The following DMBT1 variants were observed in gnomAD, a reference collection of about 807,000 sequenced individuals.
The protein encoded by DMBT1 is scavenger receptor cysteine-rich domain-containing protein DMBT1.
A neutral mutation model predicts 252.9 loss-of-function variants in DMBT1; 198 were observed. The observed-to-expected ratio is 0.78, with a 90% CI of 0.70 to 0.88. The LOEUF (loss-of-function observed/expected upper bound fraction) is 0.88, where lower values mean the gene tolerates loss of function less well. DMBT1 is among the 40% of genes least tolerant of loss of function. DMBT1 has a pLI of 0.00. For synonymous variants in DMBT1, 990 were observed against 942.7 expected, an observed-to-expected ratio of 1.05 and a Z score of -0.92; for missense variants, 2,432 against 2,404.7, an observed-to-expected ratio of 1.01 and a Z score of -0.24.
intron 9 of DMBT1, 71 bp downstream of exon 9, chr10:122,578,830 A>G: frequency 2.8e-6 from 4 of 1,434,702 alleles, no homozygotes. Context: ...TTCATAGTTC[A>G]CTTATGATTG....
intron 1 of DMBT1, among the ~76,000 whole-genome samples, chr10:122,561,718 C>G (rs1042653285): frequency 2.0e-5 from 3 of 151,398 alleles, no homozygotes; most frequent in African/African-American, 7.3e-5. Flanking sequence ...GCAGATATCA[C>G]CTTTTCTTCC....
chr10:122,576,897 G>C (rs986340840), intron 7 of DMBT1, among the ~76,000 whole-genome samples, 175 bp downstream of exon 7: 1 of 152,220 alleles, frequency 6.6e-6, no homozygotes, highest in Non-Finnish European at 1.5e-5. Context: ...CCATTCTGGG[G>C]ACAGACTGTA....
Position 122,620,310 on chromosome 10 carries a change from C to G in DMBT1, c.5284+19C>G. On this transcript the variant is annotated intron_variant, in intron 43 of 55. Transcript: ENST00000338354. ...ACAGTAGGTAAATAATCCTCTCGCC[C>G]CTCCCTAGGGCTCACTCTCTACCTC... 2 of 1,613,742 alleles carry G rather than the reference C, an allele frequency of 1.2e-6. No individual in the cohort carries two copies. Among genetic ancestry groups the G allele is most frequent in the Non-Finnish European group, 1.7e-6 (2 of 1,179,666 alleles).
chr10:122,617,979 G>C (rs113080062), intron 40 of DMBT1, 38 bp from the exon 41 acceptor site: 8 of 1,597,342 alleles, frequency 5.0e-6, no homozygotes, highest in African/African-American at 4.2e-5. Flanking sequence ...TTGACCTCCT[G>C]GTGGGGATGG....
At position 122,635,443 on chromosome 10, in the gene DMBT1, T is replaced by A. The variant is rs555817295; in HGVS notation, c.6549-548T>A. Among the ~76,000 whole-genome samples the A allele has an allele frequency of 2.0e-4, 31 of 152,320 alleles. 1 individual carries two copies. In the South Asian group the frequency reaches 6.4e-3, roughly 32 times the overall value. On this transcript the variant is annotated intron_variant, in intron 52 of 55. Transcript: ENST00000338354. ...GACAGGTGAGGGGCTGTAGATTTCA[T>A]ATGTGTGATTGCAAAGGGCAGGACT...
chr10:122,570,060 G>T, intron 2 of DMBT1, 102 bp from the exon 3 acceptor site: 1 of 1,081,074 alleles, frequency 9.3e-7, no homozygotes, highest in Non-Finnish European at 1.4e-6. Flanking sequence ...GGTGCCCTTA[G>T]GCCCTGGCTT....
chr10:122,585,194 C>T lies in DMBT1; in HGVS notation c.1421-77C>T. Reference sequence around the variant, plus strand: ...GTGGGGTAGTTTTCATGATGCTCGCCTTCTCCGGAGACTTTTCCTTTTGGA... The same window carrying T: ...GTGGGGTAGTTTTCATGATGCTCGCTTTCTCCGGAGACTTTTCCTTTTGGA... On this transcript the variant is annotated intron_variant, in intron 14 of 55. Transcript: ENST00000338354. 2 of 1,534,756 alleles carry T rather than the reference C, an allele frequency of 1.3e-6. 1 individual carries two copies. The highest frequency in any genetic ancestry group is 4.8e-5 in the East Asian group (2 of 41,724).
chr10:122,564,839 T>A (rs2097576743), intron 1 of DMBT1, among the ~76,000 whole-genome samples: 1 of 152,226 alleles, frequency 6.6e-6, no homozygotes, highest in Non-Finnish European at 1.5e-5. Context: ...GTACAATCAA[T>A]TCTACCATTA....
chr10:122,570,700 G>A (rs556495285), intron 3 of DMBT1, among the ~76,000 whole-genome samples, 190 bp from the exon 4 acceptor site: 1 of 152,284 alleles, frequency 6.6e-6, no homozygotes, highest in East Asian at 1.9e-4. Flanking sequence ...AAGGATGCTT[G>A]TGCGGCATCT....
chr10:122,584,209 T>C, intron 13 of DMBT1, 113 bp from the exon 14 acceptor site: 1 of 250,178 alleles, frequency 4.0e-6, no homozygotes, highest in Non-Finnish European at 6.8e-6. Flanking sequence ...CCTCCCTCTG[T>C]GATGGGGACC....
intron 19 of DMBT1, among the ~76,000 whole-genome samples, chr10:122,591,736 G>C (rs1471433372): frequency 6.7e-6 from 1 of 148,790 alleles, no homozygotes; most frequent in African/African-American, 2.4e-5. Context: ...CGTGTTCCAA[G>C]TATCAGTAAA....
chr10:122,632,718 G>A (rs1378538204), intron 50 of DMBT1, 143 bp from the exon 51 acceptor site: 1 of 1,036,742 alleles, frequency 9.6e-7, no homozygotes, highest in Non-Finnish European at 1.4e-6. Flanking sequence ...CCAAAGGCAA[G>A]TGAGCTCCCC....
chr10:122,636,080 C>T lies in DMBT1; in HGVS notation c.6638C>T (p.Ala2213Val). 2 of 1,613,980 alleles carry T rather than the reference C, an allele frequency of 1.2e-6. No individual in the cohort carries two copies. The highest frequency in any genetic ancestry group is 2.2e-5 in the East Asian group (1 of 44,862). Residue 2213 changes from alanine (A) to valine (V), a missense_variant, in exon 53 of 56, where the codon GCC (alanine) becomes GTC (valine). Ala to Val is a moderately conservative substitution (Grantham distance 64, BLOSUM62 0). Transcript: ENST00000338354. ...CTCATTGCTCGAGTTTGTGATGGGG[C>T]CAGAGGCTCCTTCACTTCTTCCTCC... ...SPLIARVCDGARGSFTSSSNF... is the reference protein window; with the variant it reads ...SPLIARVCDGVRGSFTSSSNF...
At position 122,573,594 on chromosome 10, in the gene DMBT1, A is replaced by T. The variant is rs991720760; in HGVS notation, c.236-121A>T. The stretch of plus-strand genomic sequence containing the variant: ...GATTGGCACATGGTTGGCTTTTAGC[A>T]ATGGATGGTGCCCTTAGGACCTGTG... On this transcript the variant is annotated intron_variant, in intron 5 of 55. Transcript: ENST00000338354. 4 of 1,257,118 alleles carry T rather than the reference A, an allele frequency of 3.2e-6. No homozygotes were observed. In the Admixed American group the frequency reaches 7.0e-5, roughly 22 times the overall value. The allele number at this position is 1,257,118 out of a possible 1,614,324, so 77.9% of individuals were successfully genotyped here. A position where few individuals can be genotyped will look rare whatever the true frequency, so the allele number is the denominator to read the frequency against.
Position 122,565,437 on chromosome 10 carries a change from A to G in DMBT1, c.62-530A>G, listed in dbSNP as rs569512931. On this transcript the variant is annotated intron_variant, in intron 1 of 55. Transcript: ENST00000338354. ...GCTCAAAAAGAAACTCAAAAGCTAC[A>G]GTTGAGTCCGATGGACCTTGTCTGG... Among the ~76,000 whole-genome samples the G allele has an allele frequency of 3.3e-5, 5 of 152,370 alleles. No individual in the cohort carries two copies. The South Asian group carries it at 6.2e-4, about 19-fold the overall frequency.
intron 55 of DMBT1, among the ~76,000 whole-genome samples, chr10:122,642,271 G>A (rs1378118907): frequency 6.6e-6 from 1 of 152,164 alleles, no homozygotes; most frequent in African/African-American, 2.4e-5. Context: ...CAGAAGGAGG[G>A]GAGCAGATCC....
Sources: gnomAD v4.1 joint callset for allele counts (sites outside exome capture counted in the v4.1 genomes callset) on GRCh38, gnomAD v4.1.1 for gene constraint, MANE v1.5 for transcripts, NCBI Gene and HGNC (gene_info 2026-07-23, HGNC 2026-07-21) for gene names.